The following MAPRE2 variants were observed in gnomAD, a reference collection of about 807,000 sequenced individuals.
MAPRE2 encodes the protein microtubule-associated protein RP/EB family member 2.
In MAPRE2, 13 loss-of-function variants were observed where a neutral mutation model predicts 43.2. The ratio of observed to expected loss-of-function variants is 0.30; its 90% CI spans 0.20 to 0.48. The LOEUF (loss-of-function observed/expected upper bound fraction) is 0.48. MAPRE2 is among the 20% of genes least tolerant of loss of function. The pLI is 0.99. For missense variants in MAPRE2, 161 were observed against 400.2 expected (o/e 0.40, Z 5.10); for synonymous variants, 135 against 148.8 (o/e 0.91, Z 0.68).
At chr18:35,127,948 G>A (rs1909980016) in intron 5 of MAPRE2, among the ~76,000 whole-genome samples, 1 of 152,224 alleles carries the variant, frequency 6.6e-6, no homozygotes, top group Admixed American at 6.5e-5. Flanking sequence ...CCATCGAGGA[G>A]AGCCTTTTAT....
At chr18:34,987,954 T>C (rs1005595730) in intron 1 of MAPRE2, among the ~76,000 whole-genome samples, 22 of 152,214 alleles carry the variant, frequency 1.4e-4, no homozygotes, top group African/African-American at 5.1e-4. Context: ...ATAAGTCAAC[T>C]TTTTCAAAGA....
intron 1 of MAPRE2, chr18:35,005,393 C>T (rs1000992770): frequency 1.4e-5 from 9 of 626,008 alleles, no homozygotes; most frequent in Admixed American, 3.3e-5. Context: ...TTTTCCATTG[C>T]TGGCCACACC....
chr18:35,079,514 T>A (rs1358945231), intron 2 of MAPRE2, among the ~76,000 whole-genome samples: 1 of 152,230 alleles, frequency 6.6e-6, no homozygotes, highest in East Asian at 1.9e-4. Flanking sequence ...CATCCAGCTC[T>A]ATCCCTTCAT....
chr18:35,131,374 T>TG (rs1479250909), intron 5 of MAPRE2, among the ~76,000 whole-genome samples: 3 of 152,202 alleles, frequency 2.0e-5, no homozygotes, highest in Non-Finnish European at 1.5e-5. Context: ...AGCAGAGTAC[T>TG]GTAGACAGGG....
chr18:35,072,017 A>C (rs1157354123), intron 2 of MAPRE2, among the ~76,000 whole-genome samples: 2 of 152,246 alleles, frequency 1.3e-5, no homozygotes, highest in African/African-American at 4.8e-5. Flanking sequence ...TGTACCAGGC[A>C]TGTATATTGT....
intron 1 of MAPRE2, among the ~76,000 whole-genome samples, chr18:34,991,977 T>A (rs1237142093): frequency 1.3e-5 from 2 of 152,198 alleles, no homozygotes; most frequent in Non-Finnish European, 1.5e-5. Context: ...GCTATTGGAA[T>A]CTGAAAGCTG....
At position 34,978,580 on chromosome 18, in the gene MAPRE2, G is replaced by C. The variant is rs1285962353; in HGVS notation, c.-70+1501G>C. ...TGGCAACATTTCCCCTGCTTCTCCT[G>C]AACGCTAAATTTGGCCAAATTTTTA... On this transcript the variant is annotated intron_variant, in intron 1 of 7. Transcript: ENST00000413393. 6 of 1,550,284 alleles carry C rather than the reference G, an allele frequency of 3.9e-6. No individual in the cohort carries two copies. The East Asian group carries it at 1.2e-4, about 32-fold the overall frequency.
chr18:35,027,878 T>G (rs1424948666), intron 2 of MAPRE2, among the ~76,000 whole-genome samples: 1 of 152,152 alleles, frequency 6.6e-6, no homozygotes, highest in African/African-American at 2.4e-5. Flanking sequence ...AGTCACATAT[T>G]TGGAGCCTTG....
intron 2 of MAPRE2, among the ~76,000 whole-genome samples, chr18:35,017,241 GTTGTT>G (rs1375871002): frequency 3.7e-4 from 19 of 51,488 alleles, no homozygotes; most frequent in Admixed American, 6.3e-4. Context: ...CTCCGGTTTT[GTTGTT>G]TTTTTTTTTT....
At chr18:35,032,475 C>G (rs899023022) in intron 2 of MAPRE2, among the ~76,000 whole-genome samples, 2 of 152,124 alleles carry the variant, frequency 1.3e-5, no homozygotes, top group Admixed American at 1.3e-4. Context: ...TGCAAAAATC[C>G]CTGTTCTAGA....
At chr18:35,038,550 T>C (rs1267643027), upstream of MAPRE2, among the ~76,000 whole-genome samples, 1 of 152,204 alleles carries the variant, frequency 6.6e-6, no homozygotes, top group Non-Finnish European at 1.5e-5. Context: ...CCTGGAGACC[T>C]GAAGCTGGGA....
chr18:34,995,234 C>T (rs1045367259), intron 1 of MAPRE2, among the ~76,000 whole-genome samples: 4 of 152,088 alleles, frequency 2.6e-5, no homozygotes, highest in African/African-American at 9.7e-5. Flanking sequence ...GAATAATGGT[C>T]CCAGTATGGT....
At chr18:35,060,660 T>C (rs945718355) in intron 1 of MAPRE2, among the ~76,000 whole-genome samples, 2 of 152,216 alleles carry the variant, frequency 1.3e-5, no homozygotes, top group South Asian at 4.1e-4. Flanking sequence ...ATTGACTTGT[T>C]AAGTCTGAGT....
chr18:35,060,913 TTC>T (rs1346380913), intron 1 of MAPRE2, among the ~76,000 whole-genome samples: 1 of 152,184 alleles, frequency 6.6e-6, no homozygotes, highest in Non-Finnish European at 1.5e-5. Flanking sequence ...TTTAATGATA[TTC>T]TGTTGGTTTT....
At chr18:35,089,732 A>G (rs1265054800) in intron 2 of MAPRE2, among the ~76,000 whole-genome samples, 2 of 152,214 alleles carry the variant, frequency 1.3e-5, no homozygotes, top group Non-Finnish European at 2.9e-5. Context: ...ACAGTGTGAT[A>G]GTTTTTCAAA....
intron 2 of MAPRE2, among the ~76,000 whole-genome samples, chr18:35,094,824 AC>A (rs369526067): frequency 2.3e-3 from 349 of 152,264 alleles, no homozygotes; most frequent in African/African-American, 8.1e-3. Context: ...CCACTCTGCC[AC>A]CACAACTAAA....
intron 2 of MAPRE2, among the ~76,000 whole-genome samples, chr18:35,089,466 A>G (rs1186651211): frequency 6.6e-6 from 1 of 152,244 alleles, no homozygotes. Flanking sequence ...AACAATAAAA[A>G]AGCAACCCAT....
chr18:35,010,667 G>A (rs956537349), intron 2 of MAPRE2, among the ~76,000 whole-genome samples: 6 of 152,116 alleles, frequency 3.9e-5, no homozygotes, highest in African/African-American at 9.7e-5. Flanking sequence ...AGAGATTAAC[G>A]TTCTCATTTC....
At chr18:35,047,087 G>A (rs1905667749) in intron 1 of MAPRE2, among the ~76,000 whole-genome samples, 1 of 152,176 alleles carries the variant, frequency 6.6e-6, no homozygotes, top group Non-Finnish European at 1.5e-5. Flanking sequence ...TCCTCTGACA[G>A]TTAGAAGGTT....
Sources: gnomAD v4.1 joint callset for allele counts (sites outside exome capture counted in the v4.1 genomes callset) on GRCh38, gnomAD v4.1.1 for gene constraint, MANE v1.5 for transcripts, NCBI Gene and HGNC (gene_info 2026-07-23, HGNC 2026-07-21) for gene names.